Variants in EEF2 observed in about 807,000 individuals in gnomAD.
The protein encoded by EEF2 is eukaryotic translation elongation factor 2, also known as elongation factor 2.
Under a neutral mutation model 85.3 loss-of-function variants are expected in EEF2, and 21 were observed. The ratio of observed to expected loss-of-function variants is 0.25; its 90% confidence interval spans 0.17 to 0.35. The LOEUF (loss-of-function observed/expected upper bound fraction) is 0.35. Ranked by LOEUF, EEF2 falls within the 10% of genes least tolerant of loss-of-function variation. The pLI, the probability that EEF2 is intolerant of heterozygous loss-of-function variation, is 1.00. For synonymous variants in EEF2, 723 were observed against 508.8 expected, an observed-to-expected ratio of 1.42 and a Z score of -5.67; for missense variants, 825 against 1,225.3, an observed-to-expected ratio of 0.67 and a Z score of 4.88.
chr19:3,983,537 C>T (rs1599198073), intron 2 of EEF2, among the ~76,000 whole-genome samples: 3 of 152,074 alleles, frequency 2.0e-5, no homozygotes, highest in Admixed American at 6.6e-5. Flanking sequence ...CCTGCCCCAC[C>T]GACTTGGTCC....
intron 11 of EEF2, 78 bp downstream of exon 11, chr19:3,979,251 C>G (rs2039715308): frequency 8.5e-7 from 1 of 1,171,424 alleles, no homozygotes; most frequent in Admixed American, 1.8e-5. Context: ...GTCTGCAGAG[C>G]CTAGCTCAGC....
At position 3,978,292 on chromosome 19, in the gene EEF2, A is replaced by G; in HGVS notation, c.1714-120T>C. ...TCATACAGCCTGGTAGAGCCACGTC[A>G]ATCAGAACGAAGCGGAGTCAGTGTT... is the stretch of plus-strand genomic sequence containing the variant. On this transcript the variant is annotated intron_variant, in intron 11 of 14. Transcript: ENST00000309311. The G allele has an allele frequency of 3.7e-6, 3 of 808,816 alleles. No individual in the cohort carries two copies. The South Asian group carries it at 7.2e-5, about 19-fold the overall frequency. The allele number at this position is 808,816 out of a possible 1,614,324, so 50.1% of individuals were successfully genotyped here. A position where few individuals can be genotyped will look rare whatever the true frequency, so the allele number is the denominator to read the frequency against.
At position 3,985,399 on chromosome 19, in the gene EEF2, A is replaced by G; in HGVS notation, c.-19T>C. On this transcript the variant is annotated 5_prime_UTR_variant, in exon 1 of 15. Transcript: ENST00000309311. Reference sequence around the variant, plus strand: ...TCACCATGGTGGCGGATGGCGGTGGATTCTCCCAGGTAGAACCGAAAGAAG... The same window carrying G: ...TCACCATGGTGGCGGATGGCGGTGGGTTCTCCCAGGTAGAACCGAAAGAAG... The G allele has an allele frequency of 6.6e-7, 1 of 1,510,580 alleles. No homozygotes were observed. The highest frequency in any genetic ancestry group is 8.9e-7 in the Non-Finnish European group (1 of 1,126,380). 93.6% of individuals were successfully genotyped at this position (1,510,580 alleles called of 1,614,324 possible).
At chr19:3,983,430 T>C (rs955839306) in intron 2 of EEF2, 139 bp from the exon 3 acceptor site, 7 of 919,704 alleles carry the variant, frequency 7.6e-6, no homozygotes, top group Non-Finnish European at 1.1e-5. Flanking sequence ...AACCCACCCT[T>C]GTCCTTTGCC....
At chr19:3,982,663 T>C in intron 4 of EEF2, 144 bp downstream of exon 4, 2 of 1,140,974 alleles carry the variant, frequency 1.8e-6, no homozygotes, top group Non-Finnish European at 2.5e-6. Flanking sequence ...TCAAGTCGGA[T>C]GAAAACATTC....
At chr19:3,980,802 C>T in intron 8 of EEF2, 39 bp downstream of exon 8, 2 of 1,584,846 alleles carry the variant, frequency 1.3e-6, no homozygotes, top group Non-Finnish European at 1.7e-6. Flanking sequence ...AGGAAGTCAT[C>T]CGGCTGCATC....
Position 3,981,964 on chromosome 19 carries a change from G to C in EEF2, c.880C>G (p.Leu294Val), listed in dbSNP as rs776117145. ...KLPRTFCQLI[L>V]DPIFKVFDAI... ...TCACTCACCTTGAAGATGGGGTCCA[G>C]GATCAGCTGGCAGAAGGTGCGTGGC... The change falls in exon 6 of 15, where the codon CTG becomes GTG. Residue 294 changes from leucine to valine, a missense_variant. Coordinates refer to ENST00000309311, the MANE Select transcript of EEF2 (RefSeq NM_001961.4). The C allele has an allele frequency of 6.2e-7, 1 of 1,614,146 alleles. No homozygotes were observed. The highest frequency in any genetic ancestry group is 8.5e-7 in the Non-Finnish European group (1 of 1,180,008).
Position 3,977,166 on chromosome 19 carries a change from C to A in EEF2, c.2383+49G>T. 5 of 1,596,488 alleles carry A rather than the reference C, an allele frequency of 3.1e-6. No individual in the cohort carries two copies. The highest frequency in any genetic ancestry group is 4.3e-6 in the Non-Finnish European group (5 of 1,169,690). On this transcript the variant is annotated intron_variant, in intron 14 of 14. Transcript: ENST00000309311. The surrounding 1 kb of genome is among the most constrained non-coding windows in gnomAD (Gnocchi z 5.4). ...GCTAAGCTTAACTGGGCTTCTGTCC[C>A]CCAAACCAGCCTGCCAGGCTCTGCA...
chr19:3,978,016 C>A lies in EEF2; in HGVS notation c.1870G>T (p.Ala624Ser), dbSNP rs757356247. 1 of 1,610,222 alleles carries A rather than the reference C, an allele frequency of 6.2e-7. No homozygotes were observed. Among genetic ancestry groups the A allele is most frequent in the South Asian group, 1.1e-5 (1 of 90,724 alleles). The change falls in exon 12 of 15, where the codon GCC (alanine) becomes TCC (serine). Residue 624 changes from alanine (A) to serine (S), a missense_variant. Coordinates refer to ENST00000309311, the MANE Select transcript of EEF2 (RefSeq NM_001961.4). ...GCCCGCTGCTTGAGCTCCTGACGGG[C>A]GGACACCTCGCCTTTATCGATGTCC... Reference protein sequence around the residue: ...AEDIDKGEVSARQELKQRARY... With the variant: ...AEDIDKGEVSSRQELKQRARY...
Position 3,976,880 on chromosome 19 carries a change from C to A in EEF2, c.2384-133G>T, listed in dbSNP as rs2039685738. On this transcript the variant is annotated intron_variant, in intron 14 of 14. Transcript: ENST00000309311. ...ACCAGACACTCGGCCTGGTGCCCAG[C>A]ACTTCACGAAGGGCCTAGCAGGCCA... The A allele has an allele frequency of 2.7e-6, 3 of 1,121,294 alleles. No individual in the cohort carries two copies. The African/African-American group carries it at 4.7e-5, about 18-fold the overall frequency. 69.5% of individuals were successfully genotyped at this position (1,121,294 alleles called of 1,614,324 possible).
In EEF2 at chr19:3,985,426, G is replaced by C. The variant is rs190787427; in HGVS notation, c.-46C>G. The C allele has an allele frequency of 1.9e-4, 285 of 1,465,344 alleles. No individual in the cohort carries two copies. The Admixed American group carries it at 2.0e-3, about 10-fold the overall frequency. 90.8% of individuals were successfully genotyped at this position (1,465,344 alleles called of 1,614,324 possible). A position where few individuals can be genotyped will look rare whatever the true frequency, so the allele number is the denominator to read the frequency against. On this transcript the variant is annotated 5_prime_UTR_variant, in exon 1 of 15. Transcript: ENST00000309311. ...TCTCCCAGGTAGAACCGAAAGAAGC[G>C]AGTCGCGCCGAGGATGGCGGCGACG... is the stretch of plus-strand genomic sequence containing the variant.
intron 11 of EEF2, 26 bp from the exon 12 acceptor site, chr19:3,978,198 C>T: frequency 2.1e-6 from 3 of 1,436,506 alleles, no homozygotes; most frequent in Non-Finnish European, 9.2e-7. Context: ...AAGTCCCACT[C>T]TTGCCTGGAG....
chr19:3,977,739 C>T lies in EEF2; in HGVS notation c.2067+80G>A. The stretch of plus-strand genomic sequence containing the variant: ...GCCCGCCTTGGCCCCATTAGGGTCT[C>T]TGTCTCGGGAGGCAGGACCATGAGG... On this transcript the variant is annotated intron_variant, in intron 12 of 14. Coordinates refer to ENST00000309311, the MANE Select transcript of EEF2 (RefSeq NM_001961.4). This position sits in a 1 kb window ranked among gnomAD's most constrained non-coding sequence, Gnocchi z 5.4. The T allele has an allele frequency of 6.7e-7, 1 of 1,494,328 alleles. No individual in the cohort carries two copies. The highest frequency in any genetic ancestry group is 8.9e-7 in the Non-Finnish European group (1 of 1,124,314). 92.6% of individuals were successfully genotyped at this position (1,494,328 alleles called of 1,614,324 possible). A position where few individuals can be genotyped will look rare whatever the true frequency, so the allele number is the denominator to read the frequency against.
At chr19:3,980,196 G>A in intron 9 of EEF2, 130 bp from the exon 10 acceptor site, 1 of 1,314,832 alleles carries the variant, frequency 7.6e-7, no homozygotes, top group African/African-American at 1.5e-5. Flanking sequence ...GCTTCCACAA[G>A]GCCCTGACTG....
Position 3,982,988 on chromosome 19 carries a change from C to T in EEF2, c.431G>A (p.Arg144Gln), listed in dbSNP as rs781134740. The T allele has an allele frequency of 4.3e-6, 7 of 1,612,518 alleles. No individual in the cohort carries two copies. The Admixed American group carries it at 5.0e-5, about 12-fold the overall frequency. ...CTTGATGCGCTCGGCAATGGCCTGCCGCAGCACTGTCTCCGTCTGCACGCA... is the reference window on the plus strand; with the variant it reads ...CTTGATGCGCTCGGCAATGGCCTGCTGCAGCACTGTCTCCGTCTGCACGCA... ...GVCVQTETVLRQAIAERIKPV... is the reference protein window; with the variant it reads ...GVCVQTETVLQQAIAERIKPV... Residue 144 changes from arginine (R) to glutamine (Q), a missense_variant, in exon 4 of 15, where the codon CGG (arginine) becomes CAG (glutamine). Transcript: ENST00000309311.
chr19:3,983,790 T>C, intron 2 of EEF2: 1 of 380,746 alleles, frequency 2.6e-6, no homozygotes, highest in Non-Finnish European at 4.9e-6. Context: ...CATCATCCAG[T>C]GCAACACAGG....
chr19:3,980,860 CG>C lies in EEF2; in HGVS notation c.1130del (p.Pro377ArgfsTer19). The C allele has an allele frequency of 1.3e-6, 2 of 1,564,504 alleles. No homozygotes were observed. On this transcript the variant is annotated frameshift_variant, in exon 8 of 15. Coordinates refer to ENST00000309311, the MANE Select transcript of EEF2 (RefSeq NM_001961.4). LOFTEE classifies it high-confidence loss of function. ...ACGTACCCATGGCAGCCTCGTCGTC[CG>C]GGGGCCCCTCGTACAGGAGCTCGCA... Reference protein sequence around the residue: ...YRCELLYEGPPDDEAAMGIKS... With the variant: ...YRCELLYEGPXDDEAAMGIKS...
chr19:3,984,338 C>T lies in EEF2; in HGVS notation c.16G>A (p.Val6Ile). 1.2e-6 allele frequency: 2 copies of T among 1,614,092 alleles called. No homozygotes were observed. The highest frequency in any genetic ancestry group is 1.7e-6 in the Non-Finnish European group (2 of 1,179,972). The change falls in exon 2 of 15, where the codon GTA becomes ATA. Residue 6 changes from valine (V) to isoleucine (I), a missense_variant. By Grantham distance (29) the Val-to-Ile change is conservative. Transcript: ENST00000309311. ...TCCATGATGGCGCGGATCTGGTCTA[C>T]CGTGAAGTTCACCTGGGCAAGACAA... MVNFT[V>I]DQIRAIMDKK...
At chr19:3,979,735 C>A in intron 10 of EEF2, 73 bp downstream of exon 10, 1 of 1,556,530 alleles carries the variant, frequency 6.4e-7, no homozygotes, top group South Asian at 1.2e-5. Context: ...CAGCAACCCA[C>A]ACAGCCACAA....
Sources: gnomAD v4.1 joint callset for allele counts (sites outside exome capture counted in the v4.1 genomes callset) on GRCh38, gnomAD v4.1.1 for gene constraint, Gnocchi (gnomAD v3.1) non-coding constraint, MANE v1.5 for transcripts, NCBI Gene and HGNC (gene_info 2026-07-23, HGNC 2026-07-21) for gene names.